The following RALYL variants were observed in gnomAD, a reference collection of about 807,000 sequenced individuals.
The protein encoded by RALYL is RNA-binding Raly-like protein.
A neutral mutation model predicts 35.1 loss-of-function variants in RALYL; 29 were observed. That is an observed-to-expected ratio of 0.83 (90% CI 0.61 to 1.13). The LOEUF is 1.13. RALYL is among the 50% of genes most tolerant of loss of function. The pLI is 0.00. For synonymous variants in RALYL, 120 were observed against 127.6 expected (o/e 0.94, Z 0.40); for missense variants, 359 against 360.4 (o/e 1.00, Z 0.03).
chr8:84,424,284 CTTCATTTCA>C (rs1413784341), intron 1 of RALYL, among the ~76,000 whole-genome samples: 4 of 138,968 alleles, frequency 2.9e-5, no homozygotes, highest in Non-Finnish European at 6.1e-5. Flanking sequence ...TCCCTTCTCG[CTTCATTTCA>C]TTCATTTCAT....
chr8:84,832,014 T>C (rs1320212618), intron 4 of RALYL, among the ~76,000 whole-genome samples: 2 of 152,100 alleles, frequency 1.3e-5, no homozygotes, highest in Admixed American at 1.3e-4. Flanking sequence ...CCTAGAGGAA[T>C]GACAATGTTT....
intron 4 of RALYL, among the ~76,000 whole-genome samples, chr8:84,814,910 G>GAT (rs1826827043): frequency 6.6e-6 from 1 of 152,186 alleles, no homozygotes; most frequent in African/African-American, 2.4e-5. Flanking sequence ...TGTTTGCACA[G>GAT]GTAGATCAAC....
chr8:84,276,477 A>C (rs1223314009), intron 1 of RALYL, among the ~76,000 whole-genome samples: 2 of 152,286 alleles, frequency 1.3e-5, no homozygotes, highest in African/African-American at 2.4e-5. Context: ...GAACCATATA[A>C]CATCTTCCTG....
chr8:84,814,533 G>A (rs1826714452), intron 4 of RALYL, among the ~76,000 whole-genome samples: 1 of 151,994 alleles, frequency 6.6e-6, no homozygotes, highest in Admixed American at 6.6e-5. Context: ...AATATAAATT[G>A]GTGAACCAAA....
In RALYL at chr8:84,346,388, A is replaced by G. The variant is rs1000317645; in HGVS notation, c.-24+161964A>G. On this transcript the variant is annotated intron_variant, in intron 1 of 8. Transcript: ENST00000521268. ...TTGTCATTGGAGTATGTTTGTATTC[A>G]TGGTAGAGATTAAATACATATGTAT... Among the ~76,000 whole-genome samples the G allele has an allele frequency of 3.9e-5, 6 of 152,250 alleles. No homozygotes were observed. In the South Asian group the frequency reaches 6.2e-4, roughly 16 times the overall value.
chr8:84,873,193 G>C, intron 6 of RALYL, 91 bp from the exon 7 acceptor site: 1 of 612,412 alleles, frequency 1.6e-6, no homozygotes, highest in East Asian at 2.9e-5. Context: ...ACACAGACTT[G>C]AGAAAATACG....
In RALYL at chr8:84,707,485, A is replaced by C. The variant is rs138789686; in HGVS notation, c.257-67094A>C. The stretch of plus-strand genomic sequence containing the variant: ...CACATGGAAAATAAGAGATTCACAG[A>C]AAAATTATACTGAGTGTCTCCCCTT... On this transcript the variant is annotated intron_variant, in intron 2 of 8. Transcript: ENST00000521268. 4.1e-3 allele frequency among the ~76,000 whole-genome samples: 622 copies of C among 152,270 alleles called. 5 individuals are homozygous for C. The highest frequency in any genetic ancestry group is 0.014 in the African/African-American group (574 of 41,568).
intron 2 of RALYL, among the ~76,000 whole-genome samples, chr8:84,774,006 G>C (rs1035036008): frequency 1.1e-4 from 17 of 152,080 alleles, no homozygotes; most frequent in African/African-American, 4.1e-4. Context: ...ATTGCTTGAG[G>C]CCAGAAGTTT....
rs1461049212 is a variant in RALYL at position 84,422,334 on chromosome 8, G to A, written c.-23-106965G>A. Among the ~76,000 whole-genome samples the A allele has an allele frequency of 6.7e-4, 82 of 121,654 alleles. No individual in the cohort carries two copies. In the East Asian group the frequency reaches 0.012, roughly 19 times the overall value. 79.8% of individuals were successfully genotyped at this position (121,654 alleles called of 152,430 possible). A position where few individuals can be genotyped will look rare whatever the true frequency, so the allele number is the denominator to read the frequency against. On this transcript the variant is annotated intron_variant, in intron 1 of 8. Coordinates refer to ENST00000521268, the MANE Select transcript of RALYL (RefSeq NM_173848.7). Reference sequence around the variant, plus strand: ...CTTCTAGATTTTCTAGTTTATTTGCGTAGAGGTGTTTGTAGTATTCTCTGA... The same window carrying A: ...CTTCTAGATTTTCTAGTTTATTTGCATAGAGGTGTTTGTAGTATTCTCTGA...
At chr8:84,205,559 A>G (rs757727451) in intron 1 of RALYL, among the ~76,000 whole-genome samples, 17 of 152,214 alleles carry the variant, frequency 1.1e-4, no homozygotes, top group Non-Finnish European at 1.6e-4. Flanking sequence ...TCTTTTCAAT[A>G]TTCTTTGACT....
At chr8:84,223,081 G>GCCTTT (rs767992068) in intron 1 of RALYL, among the ~76,000 whole-genome samples, 2,469 of 50,046 alleles carry the variant, frequency 0.049, 259 homozygotes, top group Middle Eastern at 0.12. Flanking sequence ...CCTTTGCCCT[G>GCCTTT]CCTTTCCTTT....
At chr8:84,918,133 A>G (rs1428628356) in intron 8 of RALYL, among the ~76,000 whole-genome samples, 1 of 152,054 alleles carries the variant, frequency 6.6e-6, no homozygotes, top group African/African-American at 2.4e-5. Flanking sequence ...AATACAGATG[A>G]TGTAAATTTC....
intron 1 of RALYL, among the ~76,000 whole-genome samples, chr8:84,513,406 C>A (rs1217910908): frequency 1.3e-5 from 2 of 151,728 alleles, no homozygotes; most frequent in African/African-American, 2.4e-5. Flanking sequence ...GGTTAAGATT[C>A]TTGTTCTTAT....
At chr8:84,614,296 A>G (rs556096656) in intron 2 of RALYL, among the ~76,000 whole-genome samples, 2 of 151,710 alleles carry the variant, frequency 1.3e-5, no homozygotes, top group South Asian at 4.1e-4. Context: ...AGAACAAACT[A>G]AAAGTTCTCC....
At chr8:84,639,139 C>T (rs181792058) in intron 2 of RALYL, among the ~76,000 whole-genome samples, 69 of 150,880 alleles carry the variant, frequency 4.6e-4, no homozygotes, top group African/African-American at 1.2e-3. Context: ...GGTCTTTTCT[C>T]GGGAGAAACT....
chr8:84,670,248 C>T (rs548802923), intron 2 of RALYL, among the ~76,000 whole-genome samples: 2 of 152,250 alleles, frequency 1.3e-5, no homozygotes, highest in South Asian at 4.1e-4. Context: ...AGATGAAGGA[C>T]TTCAAAGCTC....
At chr8:84,862,633 G>A (rs907213389) in intron 6 of RALYL, among the ~76,000 whole-genome samples, 180 bp downstream of exon 6, 1 of 152,220 alleles carries the variant, frequency 6.6e-6, no homozygotes, top group Non-Finnish European at 1.5e-5. Context: ...CTGTGTTGCA[G>A]TAGGGGAGAC....
At chr8:84,274,874 T>C (rs1289565705) in intron 1 of RALYL, among the ~76,000 whole-genome samples, 4 of 152,276 alleles carry the variant, frequency 2.6e-5, no homozygotes, top group South Asian at 2.1e-4. Flanking sequence ...TCTTCAAAGA[T>C]CTGTAACTTA....
intron 3 of RALYL, among the ~76,000 whole-genome samples, chr8:84,790,129 T>A: frequency 6.6e-6 from 1 of 152,152 alleles, no homozygotes; most frequent in East Asian, 1.9e-4. Context: ...TACAAGTTTC[T>A]TGGTCATACA....
Sources: allele counts gnomAD v4.1 joint callset (sites outside exome capture counted in the v4.1 genomes callset), GRCh38; gene constraint gnomAD v4.1.1; transcripts MANE v1.5; gene names NCBI Gene and HGNC (gene_info 2026-07-23, HGNC 2026-07-21).